SYT1: variants seen among roughly 807,000 people sequenced by gnomAD.
SYT1 encodes the protein synaptotagmin 1, also known as synaptotagmin-1.
SYT1 carries 8 observed loss-of-function variants against 44.8 expected under a neutral mutation model. The ratio of observed to expected loss-of-function variants is 0.18; its 90% CI spans 0.10 to 0.32. The LOEUF (loss-of-function observed/expected upper bound fraction) is 0.32, where lower values mean the gene tolerates loss of function less well. SYT1 is among the 10% of genes least tolerant of loss of function. The pLI is 1.00. For missense variants in SYT1, 286 were observed against 509.3 expected, an observed-to-expected ratio of 0.56 and a Z score of 4.22; for synonymous variants, 154 against 188.8, an observed-to-expected ratio of 0.82 and a Z score of 1.51.
intron 3 of SYT1, among the ~76,000 whole-genome samples, chr12:79,132,063 AT>A (rs1177825392): frequency 2.0e-5 from 3 of 152,236 alleles, no homozygotes; most frequent in Non-Finnish European, 1.5e-5. Flanking sequence ...CCTATTAGAA[AT>A]TGTTATTAAA....
intron 9 of SYT1, among the ~76,000 whole-genome samples, chr12:79,407,318 G>GTCTC (rs1885277549): frequency 6.6e-6 from 1 of 152,080 alleles, no homozygotes; most frequent in African/African-American, 2.4e-5. Flanking sequence ...CATAAGAGTA[G>GTCTC]TCTCTTCCAG....
At chr12:79,422,260 G>A (rs1305424138) in intron 9 of SYT1, among the ~76,000 whole-genome samples, 1 of 152,030 alleles carries the variant, frequency 6.6e-6, no homozygotes, top group Non-Finnish European at 1.5e-5. Context: ...AAGCACTTCT[G>A]AGGAATTTTG....
chr12:79,259,805 G>C (rs1190221242), intron 4 of SYT1, among the ~76,000 whole-genome samples: 8 of 152,150 alleles, frequency 5.3e-5, no homozygotes, highest in Admixed American at 5.2e-4. Context: ...GGGGCAAAGT[G>C]CAAATATACC....
intron 1 of SYT1, among the ~76,000 whole-genome samples, chr12:78,922,536 C>A (rs1844713692): frequency 6.6e-6 from 1 of 151,582 alleles, no homozygotes; most frequent in Admixed American, 6.6e-5. Flanking sequence ...TGTAAATGAT[C>A]CTTGCAAATT....
intron 2 of SYT1, among the ~76,000 whole-genome samples, chr12:78,984,937 G>C (rs570552925): frequency 6.6e-6 from 1 of 151,808 alleles, no homozygotes; most frequent in South Asian, 2.1e-4. Context: ...TGTAGTTTGC[G>C]ACATAATCTT....
intron 1 of SYT1, among the ~76,000 whole-genome samples, chr12:78,929,827 T>C (rs1355074590): frequency 2.0e-5 from 3 of 152,204 alleles, no homozygotes; most frequent in Admixed American, 2.0e-4. Flanking sequence ...TCTGGTTTTG[T>C]ATGTATGATT....
At chr12:79,351,690 T>C (rs147753122) in intron 8 of SYT1, among the ~76,000 whole-genome samples, 497 of 152,308 alleles carry the variant, frequency 3.3e-3, no homozygotes, top group African/African-American at 0.011. Context: ...TCAGATACTC[T>C]GAAGAGTAAT....
At chr12:79,163,043 A>G (rs943030871) in intron 3 of SYT1, among the ~76,000 whole-genome samples, 33 of 152,114 alleles carry the variant, frequency 2.2e-4, no homozygotes, top group Admixed American at 2.1e-3. Context: ...AGAATATTAC[A>G]TTAGCCTTTA....
At chr12:79,367,822 A>G (rs1217150446) in intron 9 of SYT1, among the ~76,000 whole-genome samples, 1 of 152,100 alleles carries the variant, frequency 6.6e-6, no homozygotes, top group Non-Finnish European at 1.5e-5. Flanking sequence ...CAGTTAAAAC[A>G]TATACTAAGA....
At chr12:79,252,563 A>C (rs912484658) in intron 4 of SYT1, among the ~76,000 whole-genome samples, 2 of 152,090 alleles carry the variant, frequency 1.3e-5, no homozygotes, top group African/African-American at 4.8e-5. Flanking sequence ...TAAGCATTTG[A>C]TTGTTGATAT....
At chr12:79,019,568 C>T (rs2137615490) in intron 2 of SYT1, among the ~76,000 whole-genome samples, 1 of 152,108 alleles carries the variant, frequency 6.6e-6, no homozygotes, top group South Asian at 2.1e-4. Context: ...GGATAATCAA[C>T]ATGAGAGACA....
intron 1 of SYT1, among the ~76,000 whole-genome samples, chr12:78,878,620 C>A (rs1874296124): frequency 6.6e-6 from 1 of 151,666 alleles, no homozygotes; most frequent in African/African-American, 2.4e-5. Flanking sequence ...CCATTAGCCA[C>A]CCATAAAAGA....
intron 3 of SYT1, among the ~76,000 whole-genome samples, chr12:79,131,544 G>C (rs139067985): frequency 3.9e-5 from 6 of 152,098 alleles, no homozygotes; most frequent in African/African-American, 1.4e-4. Flanking sequence ...AGAAAATTTT[G>C]GGTCTCTGAA....
chr12:79,070,000 G>C (rs907379276), intron 3 of SYT1, among the ~76,000 whole-genome samples: 4 of 152,088 alleles, frequency 2.6e-5, no homozygotes, highest in African/African-American at 9.7e-5. Context: ...TTATAAGAGT[G>C]TTCAAATGCC....
intron 3 of SYT1, among the ~76,000 whole-genome samples, chr12:79,165,124 A>G (rs1487948323): frequency 6.6e-6 from 1 of 151,898 alleles, no homozygotes; most frequent in African/African-American, 2.4e-5. Flanking sequence ...TAGAAACGTA[A>G]TTTTTCTTAG....
At chr12:79,395,751 G>GT (rs1316534221) in intron 9 of SYT1, among the ~76,000 whole-genome samples, 3 of 151,210 alleles carry the variant, frequency 2.0e-5, no homozygotes, top group African/African-American at 7.4e-5. Context: ...TCTATGTGTA[G>GT]TAAGCACTTT....
chr12:78,900,340 G>A (rs74786009), intron 1 of SYT1, among the ~76,000 whole-genome samples: 12,232 of 152,150 alleles, frequency 0.08, 575 homozygotes, highest in African/African-American at 0.13. Context: ...AAATCTGGGA[G>A]GAGAAGGCAG....
At chr12:79,439,704 G>A (rs1298135980) in intron 9 of SYT1, among the ~76,000 whole-genome samples, 1 of 152,082 alleles carries the variant, frequency 6.6e-6, no homozygotes, top group African/African-American at 2.4e-5. Flanking sequence ...TATGAGCTAG[G>A]CATTATCATT....
intron 1 of SYT1, among the ~76,000 whole-genome samples, chr12:78,937,392 A>C (rs542616940): frequency 1.3e-5 from 2 of 152,294 alleles, no homozygotes; most frequent in East Asian, 3.9e-4. Flanking sequence ...TTGAGTAGAA[A>C]TTAAATATTT....
Sources: allele counts gnomAD v4.1 joint callset (sites outside exome capture counted in the v4.1 genomes callset), GRCh38; gene constraint gnomAD v4.1.1; transcripts MANE v1.5; gene names NCBI Gene and HGNC (gene_info 2026-07-23, HGNC 2026-07-21).